Variants in EXD3 observed in about 807,000 individuals in gnomAD.
EXD3 encodes the protein exonuclease 3'-5' domain containing 3.
Under a neutral mutation model 98.0 loss-of-function variants are expected in EXD3, and 92 were observed. The observed-to-expected ratio is 0.94, with a 90% CI of 0.79 to 1.12. The LOEUF (loss-of-function observed/expected upper bound fraction) is 1.12, where lower values mean the gene tolerates loss of function less well. Among genes scored for constraint, EXD3 ranks in the 50% most tolerant of loss-of-function variants. The pLI is 0.00. For synonymous variants in EXD3, 569 were observed against 526.0 expected, an observed-to-expected ratio of 1.08 and a Z score of -1.12; for missense variants, 1,222 against 1,191.6, an observed-to-expected ratio of 1.03 and a Z score of -0.38.
chr9:137,422,289 G>GA, intron 1 of EXD3, among the ~76,000 whole-genome samples: 1 of 152,116 alleles, frequency 6.6e-6, no homozygotes, highest in East Asian at 1.9e-4. Flanking sequence ...AAATGAGAAA[G>GA]AAAAAAATCA....
chr9:137,413,123 A>G (rs1470429956), intron 1 of EXD3, among the ~76,000 whole-genome samples: 2 of 152,076 alleles, frequency 1.3e-5, no homozygotes, highest in Non-Finnish European at 2.9e-5. Flanking sequence ...TTCACATACC[A>G]TAAAATTTAC....
intron 3 of EXD3, among the ~76,000 whole-genome samples, 172 bp downstream of exon 3, chr9:137,383,141 C>T (rs1836403496): frequency 6.6e-6 from 1 of 152,232 alleles, no homozygotes; most frequent in Non-Finnish European, 1.5e-5. Context: ...CGCCCCCTGC[C>T]CCACACAGGC....
At position 137,349,416 on chromosome 9, in the gene EXD3, G is replaced by A. The variant is rs200106940; in HGVS notation, c.1610C>T (p.Ser537Phe). Residue 537 changes from serine (S) to phenylalanine (F), a missense_variant, in exon 15 of 22, where the codon TCC (serine) becomes TTC (phenylalanine). Coordinates refer to ENST00000340951, the MANE Select transcript of EXD3 (RefSeq NM_017820.5). This position sits in a 1 kb window ranked among gnomAD's most constrained non-coding sequence, Gnocchi z 7.4. ...GTALDKTQQL[S>F]NWDRRPLCEE... Reference sequence around the variant, plus strand: ...GCAGAGCGGCCTCCGGTCCCAGTTGGACAGCTGCTGCGTCTTGTCCAGGGC... The same window carrying A: ...GCAGAGCGGCCTCCGGTCCCAGTTGAACAGCTGCTGCGTCTTGTCCAGGGC... The A allele has an allele frequency of 2.3e-4, 361 of 1,599,346 alleles. No homozygotes were observed. Among genetic ancestry groups the A allele is most frequent in the Non-Finnish European group, 2.9e-4 (337 of 1,177,176 alleles).
intron 1 of EXD3, among the ~76,000 whole-genome samples, chr9:137,404,632 C>T (rs906869533): frequency 5.9e-5 from 9 of 152,124 alleles, no homozygotes; most frequent in Non-Finnish European, 1.0e-4. Context: ...AGGCCAAGGC[C>T]GGAGGATCAC....
rs1832251299 is a variant in EXD3, at chr9:137,324,118, A to G, written c.2024T>C (p.Ile675Thr). 6.3e-7 allele frequency: 1 copy of G among 1,587,970 alleles called. No individual in the cohort carries two copies. Among genetic ancestry groups the G allele is most frequent in the Non-Finnish European group, 8.6e-7 (1 of 1,167,934 alleles). The change falls in exon 18 of 22, where the codon ATT (isoleucine) becomes ACT (threonine). Residue 675 changes from isoleucine to threonine, a missense_variant. Ile to Thr is a moderately conservative substitution (Grantham distance 89). Coordinates refer to ENST00000340951, the MANE Select transcript of EXD3 (RefSeq NM_017820.5). This position sits in a 1 kb window ranked among gnomAD's most constrained non-coding sequence, Gnocchi z 4.1. ...AEVARQEGRI[I>T]LTSGQPFHKL... ...GTGGAATGGCTGCCCCGACGTCAGAATGATCCTCCCCTCCTGCCTGGCAAC... is the reference window on the plus strand; with the variant it reads ...GTGGAATGGCTGCCCCGACGTCAGAGTGATCCTCCCCTCCTGCCTGGCAAC...
At position 137,351,094 on chromosome 9, in the gene EXD3, C is replaced by G. The variant is rs763814291; in HGVS notation, c.1438G>C (p.Ala480Pro). The change falls in exon 14 of 22, where the codon GCC (alanine) becomes CCC (proline). Residue 480 changes from alanine to proline, a missense_variant. Transcript: ENST00000340951. ...CCCAGAATCTGCTTCTCCACATGGG[C>G]CAGGGCGGGGCAGGACGTGCCCAGT... ...QKLGTSCPAL[A>P]HVEKQILGGM... 7.6e-6 allele frequency: 12 copies of G among 1,583,908 alleles called. No individual in the cohort carries two copies. Among genetic ancestry groups the G allele is most frequent in the Non-Finnish European group, 1.0e-5 (12 of 1,166,070 alleles).
At position 137,351,167 on chromosome 9, in the gene EXD3, T is replaced by C. The variant is rs1206671694; in HGVS notation, c.1385-20A>G. The C allele has an allele frequency of 6.4e-7, 1 of 1,556,842 alleles. No homozygotes were observed. Among genetic ancestry groups the C allele is most frequent in the African/African-American group, 1.4e-5 (1 of 73,468 alleles). On this transcript the variant is annotated intron_variant, in intron 13 of 21. Coordinates refer to ENST00000340951, the MANE Select transcript of EXD3 (RefSeq NM_017820.5). ...CGTAGCCTGTGGGCAGGAACCATCG[T>C]GGGAGGGGCGCCTGCAGGCAGGGAC...
intron 3 of EXD3, among the ~76,000 whole-genome samples, chr9:137,378,633 ACAG>A (rs1398783251): frequency 1.3e-5 from 2 of 152,350 alleles, no homozygotes; most frequent in East Asian, 3.8e-4. Context: ...CTATGAAGAA[ACAG>A]CATGTGGCCT....
chr9:137,402,833 G>A (rs1027358423), intron 1 of EXD3, among the ~76,000 whole-genome samples: 5 of 152,192 alleles, frequency 3.3e-5, no homozygotes, highest in Admixed American at 2.6e-4. Flanking sequence ...TGGCTGGGGA[G>A]GCCTCAGAAT....
intron 2 of EXD3, chr9:137,392,934 C>T: frequency 3.8e-6 from 2 of 521,860 alleles, no homozygotes; most frequent in South Asian, 3.7e-5. Flanking sequence ...GTATCTGTTC[C>T]AGGGAGGGCC....
At chr9:137,319,751 C>T (rs1831926412) in intron 19 of EXD3, among the ~76,000 whole-genome samples, 1 of 152,210 alleles carries the variant, frequency 6.6e-6, no homozygotes, top group African/African-American at 2.4e-5. Context: ...ACCTGGTGAC[C>T]TGGAAGGCTG....
intron 17 of EXD3, among the ~76,000 whole-genome samples, chr9:137,335,335 A>C (rs974827752): frequency 6.6e-6 from 1 of 152,166 alleles, no homozygotes; most frequent in Non-Finnish European, 1.5e-5. Flanking sequence ...GGAAATGCAA[A>C]TTAAAACCAC....
intron 17 of EXD3, among the ~76,000 whole-genome samples, chr9:137,333,889 G>A (rs1833223507): frequency 6.6e-6 from 1 of 151,766 alleles, no homozygotes; most frequent in South Asian, 2.1e-4. Context: ...CCAGGCTGGA[G>A]TACAGTGCAG....
chr9:137,377,788 A>AT (rs571059789), intron 3 of EXD3, among the ~76,000 whole-genome samples: 11,501 of 131,762 alleles, frequency 0.087, 986 homozygotes, highest in African/African-American at 0.21. Flanking sequence ...TAGTCGTTGA[A>AT]TTTTTTTTTT....
intron 10 of EXD3, chr9:137,354,080 C>T (rs1373039938): frequency 2.9e-5 from 36 of 1,235,642 alleles, no homozygotes; most frequent in South Asian, 1.7e-4. Context: ...TGGGTTGGTT[C>T]GGGTGGCACG....
chr9:137,314,814 AG>A (rs1278485867), intron 19 of EXD3, among the ~76,000 whole-genome samples: 1 of 152,116 alleles, frequency 6.6e-6, no homozygotes, highest in Non-Finnish European at 1.5e-5. Flanking sequence ...AGCCCCCAAA[AG>A]CCAGGGCCCT....
chr9:137,373,318 T>C (rs1017749588), intron 4 of EXD3, 108 bp downstream of exon 4: 4 of 1,363,346 alleles, frequency 2.9e-6, no homozygotes, highest in Non-Finnish European at 4.0e-6. Flanking sequence ...TCCCCTTCCC[T>C]GGCTTGCTGA....
rs1019531585 is a variant in EXD3, at chr9:137,368,135, C to T, written c.463-146G>A. The T allele has an allele frequency of 1.2e-5, 8 of 676,832 alleles. No homozygotes were observed. In the Admixed American group the frequency reaches 2.1e-4, roughly 18 times the overall value. 41.9% of individuals were successfully genotyped at this position (676,832 alleles called of 1,614,324 possible). ...TTCCCGTGTTCAGCCACGTGGCCCT[C>T]AGGCCGAGGGGCCTGGCCTGGCAGA... is the stretch of plus-strand genomic sequence containing the variant. On this transcript the variant is annotated intron_variant, in intron 5 of 21. Transcript: ENST00000340951.
rs115631005 is a variant in EXD3 at position 137,356,644 on chromosome 9, C to T, written c.657-276G>A. ...GGTATTTGGTATTGACTTCTCCCCACGGAAGGTGGACTCCCGAAATAACAG... is the reference window on the plus strand; with the variant it reads ...GGTATTTGGTATTGACTTCTCCCCATGGAAGGTGGACTCCCGAAATAACAG... On this transcript the variant is annotated intron_variant, in intron 7 of 21. Transcript: ENST00000340951. Among the ~76,000 whole-genome samples, 1,013 of 152,284 alleles carry T rather than the reference C, an allele frequency of 6.7e-3. 16 individuals carry two copies. Among genetic ancestry groups the T allele is most frequent in the African/African-American group, 0.023 (941 of 41,560 alleles).
Sources: allele counts gnomAD v4.1 joint callset (sites outside exome capture counted in the v4.1 genomes callset), GRCh38; gene constraint gnomAD v4.1.1; non-coding constraint Gnocchi (gnomAD v3.1); transcripts MANE v1.5; gene names NCBI Gene and HGNC (gene_info 2026-07-23, HGNC 2026-07-21).